Variants in ZFPM2 observed in about 807,000 individuals in gnomAD.
The protein encoded by ZFPM2 is zinc finger protein, FOG family member 2.
Under a neutral mutation model 98.6 loss-of-function variants are expected in ZFPM2, and 20 were observed. That is an observed-to-expected ratio of 0.20 (90% confidence interval 0.14 to 0.29). The LOEUF (loss-of-function observed/expected upper bound fraction) is 0.29, where lower values mean the gene tolerates loss of function less well. Among genes scored for constraint, ZFPM2 ranks in the 10% least tolerant of loss-of-function variants. ZFPM2 has a pLI of 1.00. For missense variants in ZFPM2, 1,310 were observed against 1,388.6 expected (o/e 0.94, Z 0.90); for synonymous variants, 518 against 502.7 (o/e 1.03, Z -0.41).
intron 4 of ZFPM2, among the ~76,000 whole-genome samples, chr8:105,609,395 A>G (rs905073326): frequency 2.0e-5 from 3 of 152,198 alleles, no homozygotes; most frequent in African/African-American, 7.2e-5. Context: ...TTATCAAGTC[A>G]TCATTCTAGA....
At chr8:105,775,468 C>T (rs1216176643) in intron 5 of ZFPM2, among the ~76,000 whole-genome samples, 1 of 152,146 alleles carries the variant, frequency 6.6e-6, no homozygotes, top group East Asian at 1.9e-4. Flanking sequence ...GAGATTTCCT[C>T]CCTTCTGCTC....
intron 3 of ZFPM2, among the ~76,000 whole-genome samples, chr8:105,470,569 G>A (rs1420413646): frequency 2.0e-5 from 3 of 152,142 alleles, no homozygotes; most frequent in Non-Finnish European, 4.4e-5. Flanking sequence ...TGAGAGGTCA[G>A]GAGTTTGAGA....
At chr8:105,326,695 C>G (rs1812121307) in intron 1 of ZFPM2, among the ~76,000 whole-genome samples, 1 of 151,570 alleles carries the variant, frequency 6.6e-6, no homozygotes. Flanking sequence ...TTCATGTCAT[C>G]TGGTCATGTG....
At chr8:105,448,571 A>G (rs1812423635) in intron 3 of ZFPM2, among the ~76,000 whole-genome samples, 2 of 152,084 alleles carry the variant, frequency 1.3e-5, no homozygotes, top group Admixed American at 6.6e-5. Flanking sequence ...TTCATGTACC[A>G]TATTTGAGTC....
intron 5 of ZFPM2, among the ~76,000 whole-genome samples, chr8:105,732,168 T>C (rs1459531904): frequency 6.6e-6 from 1 of 151,802 alleles, no homozygotes; most frequent in East Asian, 1.9e-4. Flanking sequence ...ATTCGTATGA[T>C]CACTACATAT....
rs142739122 is a variant in ZFPM2 at position 105,386,542 on chromosome 8, G to A, written c.41-32602G>A. Among the ~76,000 whole-genome samples the A allele has an allele frequency of 4.9e-4, 75 of 152,248 alleles. 2 individuals carry two copies. In the East Asian group the frequency reaches 0.011, roughly 22 times the overall value. ...AGCCTTCTGGTGGGTTCATGGTCTCGCTGGCTCAGGAGTGAAGCTGCAGAC... is the reference window on the plus strand; with the variant it reads ...AGCCTTCTGGTGGGTTCATGGTCTCACTGGCTCAGGAGTGAAGCTGCAGAC... On this transcript the variant is annotated intron_variant, in intron 1 of 7. Coordinates refer to ENST00000407775, the MANE Select transcript of ZFPM2 (RefSeq NM_012082.4).
intron 2 of ZFPM2, among the ~76,000 whole-genome samples, chr8:105,428,347 G>C (rs561004924): frequency 6.6e-6 from 1 of 152,222 alleles, no homozygotes; most frequent in East Asian, 1.9e-4. Flanking sequence ...TCTATCTTTT[G>C]GTACTTCTTT....
At chr8:105,490,016 A>G (rs771096877) in intron 3 of ZFPM2, among the ~76,000 whole-genome samples, 1 of 151,990 alleles carries the variant, frequency 6.6e-6, no homozygotes, top group Non-Finnish European at 1.5e-5. Context: ...TGGGAGGCCA[A>G]GGTGGGTGGA....
At chr8:105,458,045 G>A (rs1296883624) in intron 3 of ZFPM2, among the ~76,000 whole-genome samples, 3 of 152,176 alleles carry the variant, frequency 2.0e-5, no homozygotes, top group Non-Finnish European at 2.9e-5. Flanking sequence ...GTGTTTGGAA[G>A]TAAGGCTGAC....
At chr8:105,483,029 T>TCCTTCCTTCCTTCCTTCCTTCCTC (rs1586405038) in intron 3 of ZFPM2, among the ~76,000 whole-genome samples, 1 of 138,816 alleles carries the variant, frequency 7.2e-6, no homozygotes, top group South Asian at 2.6e-4. Context: ...CTTCCTTCCT[T>TCCTTCCTTCCTTCCTTCCTTCCTC]CCTTCCTTCT....
At chr8:105,721,569 T>C (rs1365229835) in intron 5 of ZFPM2, among the ~76,000 whole-genome samples, 1 of 151,966 alleles carries the variant, frequency 6.6e-6, no homozygotes, top group Non-Finnish European at 1.5e-5. Context: ...GGAAAAAGTA[T>C]AAAATACTGC....
intron 1 of ZFPM2, among the ~76,000 whole-genome samples, chr8:105,411,767 A>G (rs1811582601): frequency 6.6e-6 from 1 of 151,802 alleles, no homozygotes; most frequent in Admixed American, 6.6e-5. Context: ...TCTGTCACTA[A>G]CTTCCTGGGT....
At chr8:105,705,179 C>G (rs1811227436) in intron 5 of ZFPM2, among the ~76,000 whole-genome samples, 1 of 151,776 alleles carries the variant, frequency 6.6e-6, no homozygotes, top group Non-Finnish European at 1.5e-5. Context: ...TATTCTGATT[C>G]TAAAATCAGT....
chr8:105,343,058 G>A (rs1240601651), intron 1 of ZFPM2, among the ~76,000 whole-genome samples: 1 of 152,070 alleles, frequency 6.6e-6, no homozygotes, highest in South Asian at 2.1e-4. Context: ...TGGGAAACAT[G>A]AATTAACAAG....
In ZFPM2 at chr8:105,692,892, C is replaced by A. The variant is rs953981080; in HGVS notation, c.532+58535C>A. Among the ~76,000 whole-genome samples the A allele has an allele frequency of 2.6e-5, 4 of 152,140 alleles. No homozygotes were observed. The East Asian group carries it at 7.7e-4, about 29-fold the overall frequency. On this transcript the variant is annotated intron_variant, in intron 5 of 7. Coordinates refer to ENST00000407775, the MANE Select transcript of ZFPM2 (RefSeq NM_012082.4). ...AAGATTTTTTTCATTGATGAGTAGACCATAGAAAGCTAGAAATTCTTTCTG... is the reference window on the plus strand; with the variant it reads ...AAGATTTTTTTCATTGATGAGTAGAACATAGAAAGCTAGAAATTCTTTCTG...
At chr8:105,571,461 C>T (rs755604279) in intron 4 of ZFPM2, among the ~76,000 whole-genome samples, 4 of 152,208 alleles carry the variant, frequency 2.6e-5, no homozygotes, top group Non-Finnish European at 5.9e-5. Context: ...AGTAACAAAG[C>T]ACTGTGAGGA....
At chr8:105,551,378 T>A (rs1814849348) in intron 3 of ZFPM2, among the ~76,000 whole-genome samples, 1 of 152,016 alleles carries the variant, frequency 6.6e-6, no homozygotes, top group Non-Finnish European at 1.5e-5. Flanking sequence ...ATTCATTGGT[T>A]ATATGTTACA....
intron 1 of ZFPM2, chr8:105,387,558 C>A (rs1563634910): frequency 6.5e-6 from 1 of 153,122 alleles, no homozygotes. Context: ...CTAGGGCGGG[C>A]GGGGCCGGCT....
rs184436593 is a variant in ZFPM2, at chr8:105,318,445, G to A, written c.-497G>A. On this transcript the variant is annotated 5_prime_UTR_variant, in exon 1 of 8. Transcript: ENST00000407775. Reference sequence around the variant, plus strand: ...CTCGCCGCCTCCCGCCGCAGAACAGGAGCTGCGCGGCCCGGAGCGGCGGCG... The same window carrying A: ...CTCGCCGCCTCCCGCCGCAGAACAGAAGCTGCGCGGCCCGGAGCGGCGGCG... Among the ~76,000 whole-genome samples, 2,783 of 151,330 alleles carry A rather than the reference G, an allele frequency of 0.018. 104 individuals are homozygous for A. The highest frequency in any genetic ancestry group is 0.1 in the Admixed American group (1,573 of 15,234).
Sources: gnomAD v4.1 joint callset for allele counts (sites outside exome capture counted in the v4.1 genomes callset) on GRCh38, gnomAD v4.1.1 for gene constraint, MANE v1.5 for transcripts, NCBI Gene and HGNC (gene_info 2026-07-23, HGNC 2026-07-21) for gene names.